The following SH3BP2 variants were observed in gnomAD, a reference collection of about 807,000 sequenced individuals.
SH3BP2 encodes SH3 domain binding protein 2.
Under a neutral mutation model 56.2 loss-of-function variants are expected in SH3BP2, and 38 were observed. The observed-to-expected ratio is 0.68, with a 90% CI of 0.52 to 0.89. The LOEUF (loss-of-function observed/expected upper bound fraction) is 0.89, where lower values mean the gene tolerates loss of function less well. Ranked by LOEUF, SH3BP2 falls within the 40% of genes least tolerant of loss-of-function variation. SH3BP2 has a pLI of 0.00. For missense variants in SH3BP2, 748 were observed against 762.6 expected (o/e 0.98, Z 0.23); for synonymous variants, 346 against 316.7 (o/e 1.09, Z -0.98).
At chr4:2,808,013 C>G (rs1723601946) in intron 1 of SH3BP2, among the ~76,000 whole-genome samples, 1 of 152,202 alleles carries the variant, frequency 6.6e-6, no homozygotes, top group Non-Finnish European at 1.5e-5. Context: ...TGCAGTTCAT[C>G]CTGGGGAAGG....
At chr4:2,812,234 G>C (rs1723777320) in intron 1 of SH3BP2, 4 of 1,515,418 alleles carry the variant, frequency 2.6e-6, no homozygotes, top group Admixed American at 4.1e-5. Flanking sequence ...GTGCTGCCCA[G>C]GGAGCAGGGA....
intron 1 of SH3BP2, among the ~76,000 whole-genome samples, chr4:2,803,599 G>A (rs770887434): frequency 9.2e-5 from 14 of 152,298 alleles, no homozygotes; most frequent in South Asian, 8.3e-4. Context: ...TGGTGCCCAG[G>A]AGCTCATCCC....
At chr4:2,802,521 T>C (rs1005804520) in intron 1 of SH3BP2, among the ~76,000 whole-genome samples, 7 of 67,688 alleles carry the variant, frequency 1.0e-4, no homozygotes, top group African/African-American at 6.0e-4. Flanking sequence ...TATATGTGTA[T>C]ATATATATGT....
intron 10 of SH3BP2, 26 bp downstream of exon 10, chr4:2,832,004 G>A: frequency 1.2e-6 from 2 of 1,611,328 alleles, no homozygotes; most frequent in South Asian, 2.2e-5. Context: ...TGTGTGTGCT[G>A]GGTCCTCCGC....
In SH3BP2 at chr4:2,827,648, A is replaced by G. The variant is rs753681184; in HGVS notation, c.560A>G (p.Asp187Gly). The change falls in exon 7 of 13, where the codon GAC becomes GGC. Residue 187 changes from aspartate to glycine, a missense_variant. By Grantham distance (94) the Asp-to-Gly change is moderately conservative (BLOSUM62 -1). Coordinates refer to ENST00000503393, the MANE Select transcript of SH3BP2 (RefSeq NM_001122681.2). ...DDEDDSYLEP[D>G]SPEPGRLEDA... The stretch of plus-strand genomic sequence containing the variant: ...GAGGATGACTCCTACCTGGAGCCTG[A>G]CTCCCCGGAGCCCGGAAGGCTTGAG... 3.4e-5 allele frequency: 53 copies of G among 1,573,636 alleles called. No homozygotes were observed. Among genetic ancestry groups the G allele is most frequent in the Non-Finnish European group, 4.5e-5 (52 of 1,158,358 alleles).
In SH3BP2 at chr4:2,840,234, C is replaced by CAAAAAAAAAAAAAAAAAAA. The variant is rs568332811; in HGVS notation, c.*6402_*6420dup. On this transcript the variant is annotated 3_prime_UTR_variant, in exon 13 of 13. Transcript: ENST00000503393. ...AGTGAGACCCTATCTCAAAAAAAACCAAAAAAAAAAAAAAAAAAAAGAAAA... is the reference window on the plus strand; with the variant it reads ...AGTGAGACCCTATCTCAAAAAAAACCAAAAAAAAAAAAAAAAAAAAAAAAAAAAAAAAAAAAAAAGAAAA... The CAAAAAAAAAAAAAAAAAAA allele has an allele frequency of 2.4e-5, 2 of 82,818 alleles. No homozygotes were observed. Among genetic ancestry groups the CAAAAAAAAAAAAAAAAAAA allele is most frequent in the Non-Finnish European group, 2.2e-5 (1 of 44,562 alleles). 5.1% of individuals were successfully genotyped at this position (82,818 alleles called of 1,614,324 possible).
chr4:2,794,077 C>T (rs1449674559), intron 1 of SH3BP2: 3 of 152,346 alleles, frequency 2.0e-5, no homozygotes, highest in East Asian at 1.9e-4. Context: ...TTAAGTCCTT[C>T]GAATTGGCTG....
intron 3 of SH3BP2, 140 bp downstream of exon 3, chr4:2,823,177 C>T: frequency 1.4e-6 from 1 of 699,060 alleles, no homozygotes; most frequent in South Asian, 1.5e-5. Flanking sequence ...ATCCCCTGTC[C>T]TCCCCGCCCA....
rs1724532880 is a variant in SH3BP2, at chr4:2,825,164, C to T, written c.396C>T (p.Phe132=). 1 of 1,583,964 alleles carries T rather than the reference C, an allele frequency of 6.3e-7. No homozygotes were observed. The highest frequency in any genetic ancestry group is 8.6e-7 in the Non-Finnish European group (1 of 1,164,980). The change falls in exon 5 of 13, where the codon TTC becomes TTT. Residue 132 remains phenylalanine (F), a synonymous_variant. Transcript: ENST00000503393. ...TGCTGCGCAGGGAGATTGGCCACTT[C>T]CACGAAAAGAAAGACCTGCCCTTGG... ...MALLRREIGH[F]HEKKDLPLDT...
intron 1 of SH3BP2, among the ~76,000 whole-genome samples, chr4:2,819,425 A>G (rs997164873): frequency 6.6e-6 from 1 of 152,082 alleles, no homozygotes; most frequent in African/African-American, 2.4e-5. Context: ...GGGTCTTGCT[A>G]TGTTGCCCTG....
chr4:2,832,852 C>T, intron 11 of SH3BP2, 138 bp from the exon 12 acceptor site: 2 of 844,046 alleles, frequency 2.4e-6, no homozygotes, highest in East Asian at 4.9e-5. Context: ...TGCAGGTGGT[C>T]TGGAGTCCCT....
intron 1 of SH3BP2, among the ~76,000 whole-genome samples, chr4:2,806,261 G>C (rs1293533965): frequency 6.6e-6 from 1 of 152,200 alleles, no homozygotes; most frequent in Non-Finnish European, 1.5e-5. Context: ...TGCGGGGCTG[G>C]GGCATAGGGT....
intron 11 of SH3BP2, among the ~76,000 whole-genome samples, 164 bp from the exon 12 acceptor site, chr4:2,832,826 G>GT (rs1477126240): frequency 3.9e-5 from 6 of 152,128 alleles, no homozygotes; most frequent in Admixed American, 6.6e-5. Context: ...TGCCAGTGTC[G>GT]CCCCCGCTGT....
Position 2,832,000 on chromosome 4 carries a change from T to C in SH3BP2, c.1406+22T>C, listed in dbSNP as rs1391972250. 2 of 1,612,078 alleles carry C rather than the reference T, an allele frequency of 1.2e-6. No individual in the cohort carries two copies. Among genetic ancestry groups the C allele is most frequent in the Non-Finnish European group, 1.7e-6 (2 of 1,179,452 alleles). ...AAAGGTCAGCACAAAGCCCTGTGTGTGCTGGGTCCTCCGCCATGCCCGGCT... is the reference window on the plus strand; with the variant it reads ...AAAGGTCAGCACAAAGCCCTGTGTGCGCTGGGTCCTCCGCCATGCCCGGCT... On this transcript the variant is annotated intron_variant, in intron 10 of 12. Transcript: ENST00000503393. This position sits in a 1 kb window ranked among gnomAD's most constrained non-coding sequence, Gnocchi z 4.1.
rs1722950161 is a variant in SH3BP2 at position 2,793,130 on chromosome 4, GCTCGGCGGGTAAGC to G, written c.-5+1_-5+14del. 1 of 150,566 alleles carries G rather than the reference GCTCGGCGGGTAAGC, an allele frequency of 6.6e-6. No individual in the cohort carries two copies. Among genetic ancestry groups the G allele is most frequent in the African/African-American group, 2.4e-5 (1 of 41,084 alleles). The allele number at this position is 150,566 out of a possible 1,614,324, so 9.3% of individuals were successfully genotyped here. On this transcript the variant is annotated splice_donor_variant and splice_donor_5th_base_variant and 5_prime_UTR_variant and intron_variant, in exon 1 of 13. Transcript: ENST00000503393. LOFTEE classifies it low-confidence loss of function (5UTR_SPLICE). ...CCCAGGGCCCGCGGGCCAGGAGAGC[GCTCGGCGGGTAAGC>G]CTCGGCGGCGGGTCTCGGCGGGTCT... is the stretch of plus-strand genomic sequence containing the variant.
intron 1 of SH3BP2, among the ~76,000 whole-genome samples, chr4:2,816,119 A>G (rs894095581): frequency 6.6e-6 from 1 of 152,042 alleles, no homozygotes; most frequent in Admixed American, 6.6e-5. Flanking sequence ...CAATGGCGCA[A>G]TCTCGGCTCA....
chr4:2,839,242 G>A lies in SH3BP2; in HGVS notation c.*5408G>A, dbSNP rs916851520. 2 of 150,768 alleles carry A rather than the reference G, an allele frequency of 1.3e-5. No homozygotes were observed. Among genetic ancestry groups the A allele is most frequent in the Non-Finnish European group, 2.9e-5 (2 of 67,842 alleles). 9.3% of individuals were successfully genotyped at this position (150,768 alleles called of 1,614,324 possible). A position where few individuals can be genotyped will look rare whatever the true frequency, so the allele number is the denominator to read the frequency against. On this transcript the variant is annotated 3_prime_UTR_variant, in exon 13 of 13. Transcript: ENST00000503393. ...GCTGGAGTGCAGTGGTGCAATCTCA[G>A]CTCACTGCAGCCTTGAGTCAGGCTC...
chr4:2,818,434 C>A, intron 1 of SH3BP2: 1 of 1,082,920 alleles, frequency 9.2e-7, no homozygotes, highest in Non-Finnish European at 1.2e-6. Flanking sequence ...ACCCGGGCCG[C>A]GAGCTTCCGG....
rs544555006 is a variant in SH3BP2, at chr4:2,828,137, C to T, written c.586+463C>T. 2.0e-4 allele frequency among the ~76,000 whole-genome samples: 30 copies of T among 152,164 alleles called. 1 individual carries two copies. The South Asian group carries it at 3.7e-3, about 19-fold the overall frequency. ...AGACAGGCTGATACAGGTGGTCACA[C>T]GTGGATGACGGAAGCACGAGCTGGG... On this transcript the variant is annotated intron_variant, in intron 7 of 12. Coordinates refer to ENST00000503393, the MANE Select transcript of SH3BP2 (RefSeq NM_001122681.2).
Sources: gnomAD v4.1 joint callset for allele counts (sites outside exome capture counted in the v4.1 genomes callset) on GRCh38, gnomAD v4.1.1 for gene constraint, Gnocchi (gnomAD v3.1) non-coding constraint, MANE v1.5 for transcripts, NCBI Gene and HGNC (gene_info 2026-07-23, HGNC 2026-07-21) for gene names.